The following FNDC1 variants were observed in gnomAD, a reference collection of about 807,000 sequenced individuals.
FNDC1 encodes the protein fibronectin type III domain-containing protein 1.
Under a neutral mutation model 168.0 loss-of-function variants are expected in FNDC1, and 96 were observed. The ratio of observed to expected loss-of-function variants is 0.57; its 90% CI spans 0.48 to 0.68. FNDC1 has a LOEUF of 0.68. Among genes scored for constraint, FNDC1 ranks in the 30% least tolerant of loss-of-function variants. The pLI is 0.00. For missense variants in FNDC1, 2,587 were observed against 2,482.1 expected (o/e 1.04, Z -0.90); for synonymous variants, 1,099 against 1,025.9 (o/e 1.07, Z -1.36).
intron 12 of FNDC1, among the ~76,000 whole-genome samples, chr6:159,238,078 G>T (rs1783305077): frequency 6.7e-6 from 1 of 148,508 alleles, no homozygotes; most frequent in Non-Finnish European, 1.5e-5. Flanking sequence ...ATTATAATAT[G>T]AAAGATGACT....
chr6:159,176,233 C>A (rs1781758170), intron 1 of FNDC1, among the ~76,000 whole-genome samples: 3 of 152,188 alleles, frequency 2.0e-5, no homozygotes, highest in African/African-American at 7.2e-5. Flanking sequence ...GGCCCCCCAG[C>A]TCTAACTTTG....
At position 159,197,636 on chromosome 6, in the gene FNDC1, C is replaced by T. The variant is rs374946759; in HGVS notation, c.304+11C>T. ...TTATTGAGGATGTGGGTAAGTGACA[C>T]TCTGATCTTGTTCCCAGTCAGAATT... On this transcript the variant is annotated intron_variant, in intron 2 of 22. Transcript: ENST00000297267. The T allele has an allele frequency of 7.2e-5, 115 of 1,600,602 alleles. No homozygotes were observed. Among genetic ancestry groups the T allele is most frequent in the Non-Finnish European group, 9.6e-5 (112 of 1,172,346 alleles).
chr6:159,200,980 T>C (rs73799328), intron 4 of FNDC1, among the ~76,000 whole-genome samples: 1 of 152,394 alleles, frequency 6.6e-6, no homozygotes, highest in African/African-American at 2.4e-5. Flanking sequence ...CTTCAAGTCT[T>C]GCTTTTTTCT....
intron 1 of FNDC1, among the ~76,000 whole-genome samples, chr6:159,171,895 A>G (rs1781669327): frequency 6.6e-6 from 1 of 152,228 alleles, no homozygotes; most frequent in South Asian, 2.1e-4. Flanking sequence ...TTTTCAAAGT[A>G]ATACTAAGAT....
intron 22 of FNDC1, among the ~76,000 whole-genome samples, chr6:159,270,422 C>A (rs1235254314): frequency 6.6e-6 from 1 of 152,200 alleles, no homozygotes; most frequent in Non-Finnish European, 1.5e-5. Flanking sequence ...AACTATATCA[C>A]CTTTCTTCAT....
rs560618748 is a variant in FNDC1 at position 159,232,657 on chromosome 6, A to G, written c.2145A>G (p.Pro715=). 3.1e-4 allele frequency: 500 copies of G among 1,613,062 alleles called. No homozygotes were observed. In the Middle Eastern group the frequency reaches 4.8e-3, roughly 15 times the overall value. ...AGGAAGATTCCAGTGCCTCAGCCCC[A>G]CCCTCAAGACTTTCTCCACCCCATG... ...AAEEDSSASA[P]PSRLSPPHGG... Residue 715 remains proline, a synonymous_variant, in exon 11 of 23, where the codon CCA becomes CCG. Coordinates refer to ENST00000297267, the MANE Select transcript of FNDC1 (RefSeq NM_032532.3). This position sits in a 1 kb window ranked among gnomAD's most constrained non-coding sequence, Gnocchi z 4.9.
rs185499705 is a variant in FNDC1 at position 159,266,318 on chromosome 6, C to T, written c.5446+73C>T. 78 of 1,489,238 alleles carry T rather than the reference C, an allele frequency of 5.2e-5. No individual in the cohort carries two copies. The Admixed American group carries it at 8.1e-4, about 15-fold the overall frequency. 92.3% of individuals were successfully genotyped at this position (1,489,238 alleles called of 1,614,324 possible). On this transcript the variant is annotated intron_variant, in intron 21 of 22. Coordinates refer to ENST00000297267, the MANE Select transcript of FNDC1 (RefSeq NM_032532.3). ...TTTATCAAGTACAAACTTGGCACCA[C>T]AGGTGCATCGGAATGTTTATGAGGG...
intron 6 of FNDC1, among the ~76,000 whole-genome samples, chr6:159,222,274 C>G (rs1782844017): frequency 1.3e-5 from 2 of 152,144 alleles, no homozygotes; most frequent in African/African-American, 2.4e-5. Flanking sequence ...TTTAAAGAGG[C>G]AATCTACAAC....
intron 4 of FNDC1, among the ~76,000 whole-genome samples, chr6:159,204,936 T>TG (rs1222887420): frequency 6.6e-6 from 1 of 152,150 alleles, no homozygotes; most frequent in Non-Finnish European, 1.5e-5. Context: ...CCTGCTTCCC[T>TG]GGGGGGATGA....
At position 159,178,345 on chromosome 6, in the gene FNDC1, C is replaced by T. The variant is rs541650846; in HGVS notation, c.109+8640C>T. Among the ~76,000 whole-genome samples, 312 of 152,340 alleles carry T rather than the reference C, an allele frequency of 2.0e-3. 1 individual carries two copies. Among genetic ancestry groups the T allele is most frequent in the African/African-American group, 6.1e-3 (252 of 41,576 alleles). On this transcript the variant is annotated intron_variant, in intron 1 of 22. Coordinates refer to ENST00000297267, the MANE Select transcript of FNDC1 (RefSeq NM_032532.3). ...CACCGTGGCATACAAATTCCCATTG[C>T]AATACATACTCCTAAATCAACATCA...
rs1438829763 is a variant in FNDC1 at position 159,262,905 on chromosome 6, T to C, written c.5254+1636T>C. ...AATTAACTTGCTCTGGTCATCTTCC[T>C]TTATTCCATCAGTTTATTCAAGTTT... On this transcript the variant is annotated intron_variant, in intron 19 of 22. Coordinates refer to ENST00000297267, the MANE Select transcript of FNDC1 (RefSeq NM_032532.3). Among the ~76,000 whole-genome samples the C allele has an allele frequency of 3.3e-5, 5 of 152,252 alleles. No homozygotes were observed. The East Asian group carries it at 9.6e-4, about 29-fold the overall frequency.
intron 12 of FNDC1, among the ~76,000 whole-genome samples, chr6:159,236,891 G>T (rs1253436350): frequency 6.6e-6 from 1 of 152,200 alleles, no homozygotes. Context: ...ATTGCTTGGG[G>T]TTAAGATAAA....
chr6:159,188,369 C>CTTTTTTTT (rs61551779), intron 1 of FNDC1, among the ~76,000 whole-genome samples: 2 of 128,638 alleles, frequency 1.6e-5, no homozygotes, highest in Non-Finnish European at 3.4e-5. Context: ...CAATTTCTTT[C>CTTTTTTTT]TTTTTTTTTT....
At position 159,239,873 on chromosome 6, in the gene FNDC1, C is replaced by T; in HGVS notation, c.4537C>T (p.Pro1513Ser). The T allele has an allele frequency of 6.5e-7, 1 of 1,545,316 alleles. No individual in the cohort carries two copies. Among genetic ancestry groups the T allele is most frequent in the Non-Finnish European group, 8.7e-7 (1 of 1,143,716 alleles). Reference protein sequence around the residue: ...PTPTTPIPTCPPGTLERHDDD... With the variant: ...PTPTTPIPTCSPGTLERHDDD... ...ACCCACCACTCCCATCCCCACCTGT[C>T]CCCCTGGGACCTTGGAACGGCACGA... The change falls in exon 14 of 23, where the codon CCC (proline) becomes TCC (serine). Residue 1513 changes from proline (P) to serine (S), a missense_variant. Coordinates refer to ENST00000297267, the MANE Select transcript of FNDC1 (RefSeq NM_032532.3).
At chr6:159,250,513 C>T (rs1777230333) in intron 16 of FNDC1, among the ~76,000 whole-genome samples, 1 of 152,186 alleles carries the variant, frequency 6.6e-6, no homozygotes, top group South Asian at 2.1e-4. Context: ...GCCCCAATCC[C>T]AAGTCCTTGG....
chr6:159,223,994 A>G (rs1039968129), intron 7 of FNDC1, among the ~76,000 whole-genome samples: 1 of 152,210 alleles, frequency 6.6e-6, no homozygotes, highest in African/African-American at 2.4e-5. Flanking sequence ...GTTCATGCAC[A>G]GGGTCCACTT....
intron 22 of FNDC1, among the ~76,000 whole-genome samples, chr6:159,269,186 A>G (rs1294751184): frequency 6.7e-6 from 1 of 149,342 alleles, no homozygotes; most frequent in Non-Finnish European, 1.5e-5. Context: ...GTATGTATCC[A>G]TCCATTATCT....
At position 159,238,416 on chromosome 6, in the gene FNDC1, T is replaced by A. The variant is rs1442156933; in HGVS notation, c.4069-138T>A. The stretch of plus-strand genomic sequence containing the variant: ...TTACTTTTTAAGACTTTATGAATGA[T>A]ATTGACAAAAAGAATGTCTTCTACT... On this transcript the variant is annotated intron_variant, in intron 12 of 22. Coordinates refer to ENST00000297267, the MANE Select transcript of FNDC1 (RefSeq NM_032532.3). The A allele has an allele frequency of 2.3e-5, 14 of 598,688 alleles. No individual in the cohort carries two copies. The East Asian group carries it at 4.2e-4, about 18-fold the overall frequency. The allele number at this position is 598,688 out of a possible 1,614,324, so 37.1% of individuals were successfully genotyped here.
chr6:159,248,602 C>A (rs1319042199), intron 15 of FNDC1, among the ~76,000 whole-genome samples: 4 of 151,590 alleles, frequency 2.6e-5, no homozygotes, highest in Non-Finnish European at 5.9e-5. Context: ...CCACACCTGG[C>A]CAAAAAAAAA....
Sources: allele counts gnomAD v4.1 joint callset (sites outside exome capture counted in the v4.1 genomes callset), GRCh38; gene constraint gnomAD v4.1.1; non-coding constraint Gnocchi (gnomAD v3.1); transcripts MANE v1.5; gene names NCBI Gene and HGNC (gene_info 2026-07-23, HGNC 2026-07-21).